Variants in NUMA1 observed in about 807,000 individuals in gnomAD.
NUMA1 encodes SP-H antigen.
In NUMA1, 62 loss-of-function variants were observed where a neutral mutation model predicts 237.1. That is an observed-to-expected ratio of 0.26 (90% CI 0.21 to 0.32). The LOEUF (loss-of-function observed/expected upper bound fraction) is 0.32, where lower values mean the gene tolerates loss of function less well. NUMA1 is among the 10% of genes least tolerant of loss of function. The probability of loss-of-function intolerance (pLI) is 1.00; values close to 1 mark genes in which losing one functional copy is unlikely to be tolerated. For missense variants in NUMA1, 2,533 were observed against 2,666.5 expected (o/e 0.95, Z 1.10); for synonymous variants, 1,028 against 1,066.1 (o/e 0.96, Z 0.70).
Position 72,016,041 on chromosome 11 carries a change from C to T in NUMA1, c.1462G>A (p.Ala488Thr). The change falls in exon 15 of 27, where the codon GCC (alanine) becomes ACC (threonine). Residue 488 changes from alanine (A) to threonine (T), a missense_variant. This residue lies in a region of NUMA1 where 1,414 missense variants were observed against 1,508.1 expected (regional missense o/e 0.94). Coordinates refer to ENST00000393695, the MANE Select transcript of NUMA1 (RefSeq NM_006185.4). ...AACCGGGCCCCATGAGCCTGGGAGG[C>T]CTGCTCCAGCTCTTCCTTGGCCTGG... ...LSQAKEELEQ[A>T]SQAHGARLTA... 2 of 1,614,104 alleles carry T rather than the reference C, an allele frequency of 1.2e-6. No homozygotes were observed. The highest frequency in any genetic ancestry group is 1.7e-5 in the Admixed American group (1 of 60,028).
chr11:72,010,955 G>A (rs1956118749), intron 16 of NUMA1, 101 bp from the exon 17 acceptor site: 2 of 1,034,624 alleles, frequency 1.9e-6, no homozygotes, highest in South Asian at 2.6e-5. Context: ...AGGATCCCCA[G>A]TGTTCCTAGA....
At chr11:72,078,155 C>T (rs1943803118) in intron 1 of NUMA1, among the ~76,000 whole-genome samples, 1 of 152,178 alleles carries the variant, frequency 6.6e-6, no homozygotes, top group Non-Finnish European at 1.5e-5. Context: ...GATGACAGGG[C>T]AAGCCACCAT....
intron 4 of NUMA1, among the ~76,000 whole-genome samples, chr11:72,025,830 A>G (rs1939506311): frequency 6.6e-6 from 1 of 152,218 alleles, no homozygotes; most frequent in African/African-American, 2.4e-5. Flanking sequence ...CTGAGATCAG[A>G]GACTCCTACA....
chr11:72,046,700 C>T (rs1482023478), intron 2 of NUMA1, among the ~76,000 whole-genome samples: 1 of 151,986 alleles, frequency 6.6e-6, no homozygotes, highest in African/African-American at 2.4e-5. Flanking sequence ...GTGGCTCATG[C>T]CTTAATCCCA....
chr11:72,005,406 G>A (rs1955619546), intron 22 of NUMA1, 37 bp from the exon 23 acceptor site: 5 of 1,592,722 alleles, frequency 3.1e-6, no homozygotes, highest in Non-Finnish European at 4.3e-6. Flanking sequence ...AATGAGCCTG[G>A]AGTCGGCAGG....
chr11:72,016,659 T>A, intron 13 of NUMA1, 129 bp from the exon 14 acceptor site: 1 of 1,225,294 alleles, frequency 8.2e-7, no homozygotes, highest in Non-Finnish European at 1.1e-6. Context: ...TGCCCTGGCC[T>A]AGAAAAAAGC....
At chr11:72,010,996 T>G in intron 16 of NUMA1, 142 bp from the exon 17 acceptor site, 1 of 757,178 alleles carries the variant, frequency 1.3e-6, no homozygotes, top group Non-Finnish European at 2.3e-6. Flanking sequence ...TGGCCTCCAA[T>G]TACGGAACAG....
At position 72,012,187 on chromosome 11, in the gene NUMA1, GGA is replaced by G. The variant is rs1956202681; in HGVS notation, c.4650+212_4650+213del. 3.4e-5 allele frequency: 19 copies of G among 552,088 alleles called. No individual in the cohort carries two copies. In the South Asian group the frequency reaches 4.8e-4, roughly 14 times the overall value. 34.2% of individuals were successfully genotyped at this position (552,088 alleles called of 1,614,324 possible). ...CAAATGAGAGAAGGTGCAGAAGGGTGGAGAGGCCGACCTGGGATGGGTGGGAT... is the reference window on the plus strand; with the variant it reads ...CAAATGAGAGAAGGTGCAGAAGGGTGGAGGCCGACCTGGGATGGGTGGGAT... On this transcript the variant is annotated intron_variant, in intron 16 of 26. Coordinates refer to ENST00000393695, the MANE Select transcript of NUMA1 (RefSeq NM_006185.4).
chr11:72,018,549 G>A (rs1938242596), intron 10 of NUMA1, 36 bp from the exon 11 acceptor site: 1 of 1,559,532 alleles, frequency 6.4e-7, no homozygotes, highest in Non-Finnish European at 8.8e-7. Flanking sequence ...AGGAGAATCA[G>A]AACTATGTGC....
chr11:72,078,305 G>A (rs1186361479), intron 1 of NUMA1, among the ~76,000 whole-genome samples: 1 of 152,234 alleles, frequency 6.6e-6, no homozygotes, highest in Non-Finnish European at 1.5e-5. Context: ...CACTGGGTAA[G>A]AGGCTAAATT....
intron 12 of NUMA1, 163 bp from the exon 13 acceptor site, chr11:72,017,990 C>T: frequency 9.8e-7 from 1 of 1,018,312 alleles, no homozygotes. Flanking sequence ...TACAAATCAA[C>T]ATTTAGGGTC....
intron 10 of NUMA1, 33 bp from the exon 11 acceptor site, chr11:72,018,546 T>G (rs1379668985): frequency 1.3e-6 from 2 of 1,571,776 alleles, no homozygotes; most frequent in Non-Finnish European, 1.8e-6. Context: ...GAGAGGAGAA[T>G]CAGAACTATG....
intron 13 of NUMA1, chr11:72,017,455 T>C (rs777320850): frequency 1.3e-5 from 7 of 558,300 alleles, no homozygotes; most frequent in East Asian, 1.2e-4. Flanking sequence ...ACAGCAGAGA[T>C]AGGATTGAAA....
intron 2 of NUMA1, among the ~76,000 whole-genome samples, chr11:72,060,293 A>T (rs1275240480): frequency 2.6e-5 from 4 of 152,206 alleles, no homozygotes; most frequent in African/African-American, 9.6e-5. Context: ...GAGTAGTTAC[A>T]ACCACATGGT....
rs1472187746 is a variant in NUMA1, at chr11:72,005,300, G to A, written c.5762C>T (p.Ala1921Val). The change falls in exon 23 of 27, where the codon GCA becomes GTA. Residue 1921 changes from alanine (A) to valine (V), a missense_variant. Ala to Val is a moderately conservative substitution (Grantham distance 64). Coordinates refer to ENST00000393695, the MANE Select transcript of NUMA1 (RefSeq NM_006185.4). ...CACTCGATTGCGCTGCTGCAGCTCTGCAATGCGGTTCCAGTCATCCAGCTG... is the reference window on the plus strand; with the variant it reads ...CACTCGATTGCGCTGCTGCAGCTCTACAATGCGGTTCCAGTCATCCAGCTG... Reference protein sequence around the residue: ...PEQLDDWNRIAELQQRNRVCP... With the variant: ...PEQLDDWNRIVELQQRNRVCP... The A allele has an allele frequency of 2.5e-6, 4 of 1,609,638 alleles. No homozygotes were observed. The South Asian group carries it at 3.3e-5, about 13-fold the overall frequency.
rs368123435 is a variant in NUMA1 at position 72,012,415 on chromosome 11, C to G, written c.4636G>C (p.Glu1546Gln). The stretch of plus-strand genomic sequence containing the variant: ...TCAGGCATTACCTGCTTAGTTTGCT[C>G]TCTCTGAAATACCTCTAGCTGCTCC... The part of the protein sequence containing the change: ...QVEQLEVFQR[E>Q]QTKQVEELSK... Residue 1546 changes from glutamate (E) to glutamine (Q), a missense_variant, in exon 16 of 27, where the codon GAG becomes CAG. Glu to Gln is a conservative substitution (Grantham distance 29). Around this residue, in one of 3 missense-constraint regions of NUMA1, gnomAD observed 795 missense variants for 750.8 expected, o/e 1.06. Coordinates refer to ENST00000393695, the MANE Select transcript of NUMA1 (RefSeq NM_006185.4). 35 of 1,613,248 alleles carry G rather than the reference C, an allele frequency of 2.2e-5. No homozygotes were observed. In the African/African-American group the frequency reaches 4.1e-4, roughly 19 times the overall value.
At chr11:72,064,804 G>C (rs1216505062) in intron 2 of NUMA1, among the ~76,000 whole-genome samples, 3 of 152,044 alleles carry the variant, frequency 2.0e-5, no homozygotes, top group Admixed American at 2.0e-4. Flanking sequence ...CTGCACTGAA[G>C]CCTGGGTGAG....
chr11:72,042,531 C>T (rs576891642), intron 2 of NUMA1, among the ~76,000 whole-genome samples: 88 of 152,206 alleles, frequency 5.8e-4, no homozygotes, highest in African/African-American at 2.0e-3. Context: ...AGCATTTCCC[C>T]AGATGGAAAC....
intron 9 of NUMA1, 51 bp downstream of exon 9, chr11:72,019,443 G>C: frequency 6.2e-7 from 1 of 1,600,994 alleles, no homozygotes; most frequent in South Asian, 1.1e-5. Context: ...GGAATGTGAG[G>C]AATGGATGGA....
Sources: gnomAD v4.1 joint callset for allele counts (sites outside exome capture counted in the v4.1 genomes callset) on GRCh38, gnomAD v4.1.1 for gene constraint, gnomAD v4.1.1 regional missense constraint, MANE v1.5 for transcripts, NCBI Gene and HGNC (gene_info 2026-07-23, HGNC 2026-07-21) for gene names.